TEAD1: variants seen among roughly 807,000 people sequenced by gnomAD.
TEAD1 encodes the protein TEA domain transcription factor 1, also known as transcriptional enhancer factor TEF-1.
A neutral mutation model predicts 54.9 loss-of-function variants in TEAD1; 9 were observed. The observed-to-expected ratio is 0.16, with a 90% CI of 0.10 to 0.29. TEAD1 has a LOEUF of 0.29. Ranked by LOEUF, TEAD1 falls within the 10% of genes least tolerant of loss-of-function variation. The pLI is 1.00. For missense variants in TEAD1, 387 were observed against 535.9 expected (o/e 0.72, Z 2.74); for synonymous variants, 200 against 187.8 (o/e 1.07, Z -0.53).
At chr11:12,901,815 G>C (rs1233417803) in intron 9 of TEAD1, 125 bp from the exon 10 acceptor site, 1 of 1,068,602 alleles carries the variant, frequency 9.4e-7, no homozygotes, top group Non-Finnish European at 1.4e-6. Flanking sequence ...CAAAAGCATT[G>C]ATCCTGGACT....
intron 3 of TEAD1, among the ~76,000 whole-genome samples, chr11:12,774,403 A>G (rs1036157556): frequency 2.0e-5 from 3 of 152,152 alleles, no homozygotes; most frequent in African/African-American, 7.2e-5. Flanking sequence ...GTGCTGAGGG[A>G]TTTCTTTGAG....
At chr11:12,841,249 A>G (rs1947034135) in intron 3 of TEAD1, among the ~76,000 whole-genome samples, 1 of 152,176 alleles carries the variant, frequency 6.6e-6, no homozygotes, top group Non-Finnish European at 1.5e-5. Context: ...ATGTAAGCTC[A>G]GTGGGTACAG....
At chr11:12,794,067 C>G (rs1945862626) in intron 3 of TEAD1, among the ~76,000 whole-genome samples, 1 of 152,192 alleles carries the variant, frequency 6.6e-6, no homozygotes, top group Non-Finnish European at 1.5e-5. Flanking sequence ...CTTGCTTTGG[C>G]TAACTCTGAT....
intron 3 of TEAD1, among the ~76,000 whole-genome samples, chr11:12,775,965 C>CT (rs1460253902): frequency 9.5e-4 from 141 of 147,886 alleles, no homozygotes; most frequent in African/African-American, 3.8e-3. Flanking sequence ...GTGGTGTTTA[C>CT]TGGCGGCGGG....
intron 3 of TEAD1, among the ~76,000 whole-genome samples, chr11:12,839,596 G>A (rs1051962823): frequency 9.2e-5 from 14 of 152,138 alleles, no homozygotes; most frequent in African/African-American, 2.2e-4. Context: ...AGCTCCTGCC[G>A]TGTAGTAGTA....
chr11:12,798,529 C>G (rs935155650), intron 3 of TEAD1, among the ~76,000 whole-genome samples: 5 of 152,146 alleles, frequency 3.3e-5, no homozygotes, highest in Non-Finnish European at 7.3e-5. Flanking sequence ...ACAAGGCACT[C>G]CTCTGCACCC....
intron 2 of TEAD1, among the ~76,000 whole-genome samples, chr11:12,676,947 A>G (rs1483754236): frequency 1.3e-5 from 2 of 152,174 alleles, no homozygotes; most frequent in Admixed American, 6.5e-5. Flanking sequence ...TTAATGGTAA[A>G]TATTATTTGA....
intron 2 of TEAD1, among the ~76,000 whole-genome samples, chr11:12,706,226 A>G (rs1398311739): frequency 6.6e-6 from 1 of 152,202 alleles, no homozygotes; most frequent in African/African-American, 2.4e-5. Context: ...AGTGTTTTTG[A>G]ACTGGTTGAA....
intron 2 of TEAD1, among the ~76,000 whole-genome samples, chr11:12,676,878 C>T (rs189142846): frequency 6.0e-4 from 92 of 152,248 alleles, no homozygotes; most frequent in Non-Finnish European, 9.3e-4. Flanking sequence ...TAAGCTATAT[C>T]CATTACGGGT....
chr11:12,728,918 A>G (rs1021674639), intron 2 of TEAD1, among the ~76,000 whole-genome samples: 4 of 152,164 alleles, frequency 2.6e-5, no homozygotes, highest in African/African-American at 7.2e-5. Flanking sequence ...GACCATGGCT[A>G]TTGTGTGGGT....
chr11:12,696,144 T>C (rs1385694360), intron 2 of TEAD1, among the ~76,000 whole-genome samples: 1 of 152,156 alleles, frequency 6.6e-6, no homozygotes, highest in Non-Finnish European at 1.5e-5. Context: ...TAGGAAAACT[T>C]TGTGGATTTA....
At chr11:12,839,706 A>C (rs1377432457) in intron 3 of TEAD1, among the ~76,000 whole-genome samples, 8 of 152,182 alleles carry the variant, frequency 5.3e-5, no homozygotes, top group Admixed American at 3.3e-4. Context: ...ACGACCAGGG[A>C]ATCACTAACT....
chr11:12,888,970 T>C (rs907971178), intron 9 of TEAD1, among the ~76,000 whole-genome samples: 1 of 152,118 alleles, frequency 6.6e-6, no homozygotes, highest in Non-Finnish European at 1.5e-5. Context: ...CTCTGTGTCA[T>C]GTGTAAACCA....
In TEAD1 at chr11:12,926,420, G is replaced by C. The variant is rs116072093; in HGVS notation, c.1014+1368G>C. On this transcript the variant is annotated intron_variant, in intron 11 of 12. Coordinates refer to ENST00000527636, the MANE Select transcript of TEAD1 (RefSeq NM_021961.6). The stretch of plus-strand genomic sequence containing the variant: ...CCACAATGGTGGCAGTGGGAATCCT[G>C]TAAGATGTTTTGAATGGAACTTAGA... Among the ~76,000 whole-genome samples, 1,189 of 152,288 alleles carry C rather than the reference G, an allele frequency of 7.8e-3. 8 individuals carry two copies. Among genetic ancestry groups the C allele is most frequent in the African/African-American group, 0.028 (1,151 of 41,554 alleles).
At chr11:12,874,085 T>G (rs1286893624) in intron 5 of TEAD1, among the ~76,000 whole-genome samples, 1 of 152,228 alleles carries the variant, frequency 6.6e-6, no homozygotes, top group Non-Finnish European at 1.5e-5. Flanking sequence ...AATCCTATCT[T>G]TAAATTCTGA....
intron 3 of TEAD1, among the ~76,000 whole-genome samples, chr11:12,772,302 C>T (rs1945328055): frequency 6.6e-6 from 1 of 152,108 alleles, no homozygotes; most frequent in African/African-American, 2.4e-5. Flanking sequence ...TTTTCTAGGA[C>T]AGGGGAGACA....
chr11:12,708,124 G>C (rs1213730054), intron 2 of TEAD1, among the ~76,000 whole-genome samples: 3 of 151,370 alleles, frequency 2.0e-5, no homozygotes, highest in African/African-American at 7.3e-5. Context: ...TCCAGCAGCT[G>C]CTCACTCACA....
intron 5 of TEAD1, chr11:12,878,874 T>A: frequency 7.8e-7 from 1 of 1,281,530 alleles, no homozygotes; most frequent in Non-Finnish European, 1.0e-6. Flanking sequence ...ACAAATTGTT[T>A]ATTATTGTAT....
chr11:12,680,861 A>G (rs1943207138), intron 2 of TEAD1, among the ~76,000 whole-genome samples: 2 of 152,238 alleles, frequency 1.3e-5, no homozygotes, highest in South Asian at 2.1e-4. Context: ...AACAGGCGGC[A>G]GAACTTGGGG....
Sources: allele counts gnomAD v4.1 joint callset (sites outside exome capture counted in the v4.1 genomes callset), GRCh38; gene constraint gnomAD v4.1.1; transcripts MANE v1.5; gene names NCBI Gene and HGNC (gene_info 2026-07-23, HGNC 2026-07-21).